Variants in DNAH9 observed in about 807,000 individuals in gnomAD.
The protein encoded by DNAH9 is dynein axonemal heavy chain 9, also known as DNAH9 variant protein.
Under a neutral mutation model 471.6 loss-of-function variants are expected in DNAH9, and 345 were observed. The ratio of observed to expected loss-of-function variants is 0.73; its 90% CI spans 0.67 to 0.80. DNAH9 has a LOEUF of 0.80. Among genes scored for constraint, DNAH9 ranks in the 30% least tolerant of loss-of-function variants. DNAH9 has a pLI of 0.00. For missense variants in DNAH9, 5,407 were observed against 5,609.2 expected (o/e 0.96, Z 1.15); for synonymous variants, 2,093 against 2,123.6 (o/e 0.99, Z 0.40).
rs182217210 is a variant in DNAH9, at chr17:11,918,941, G to A, written c.11750-4873G>A. On this transcript the variant is annotated intron_variant, in intron 61 of 68. Coordinates refer to ENST00000262442, the MANE Select transcript of DNAH9 (RefSeq NM_001372.4). ...AAGGAGGTTGCAGTGAGCTGAGATC[G>A]TGCCACTGCACTCCAGCCTGGGTGA... Among the ~76,000 whole-genome samples the A allele has an allele frequency of 4.9e-4, 75 of 152,184 alleles. 1 individual carries two copies. In the East Asian group the frequency reaches 0.014, roughly 28 times the overall value.
intron 14 of DNAH9, among the ~76,000 whole-genome samples, chr17:11,658,715 C>T (rs4792161): frequency 0.57 from 86,404 of 151,850 alleles, 25,473 homozygotes; most frequent in Admixed American, 0.69. Flanking sequence ...GATTAAACAT[C>T]GAATTTTATC....
At position 11,690,407 on chromosome 17, in the gene DNAH9, T is replaced by C. The variant is rs1209119198; in HGVS notation, c.4585T>C (p.Ser1529Pro). 1 of 1,613,902 alleles carries C rather than the reference T, an allele frequency of 6.2e-7. No individual in the cohort carries two copies. The highest frequency in any genetic ancestry group is 2.2e-5 in the East Asian group (1 of 44,878). Residue 1529 changes from serine to proline, a missense_variant, in exon 20 of 69, where the codon TCT (serine) becomes CCT (proline). By Grantham distance (74) the Ser-to-Pro change is moderately conservative. Around this residue, in one of 3 missense-constraint regions of DNAH9, gnomAD observed 4,636 missense variants for 4,900.3 expected, o/e 0.95. Transcript: ENST00000262442. ...TCACCTGGAAAGCATATTCACTGGA[T>C]CTGAAGATATTCGGGCACAGCTACC... Reference protein sequence around the residue: ...WTHLESIFTGSEDIRAQLPQD... With the variant: ...WTHLESIFTGPEDIRAQLPQD...
At chr17:11,653,049 G>C in intron 14 of DNAH9, 47 bp downstream of exon 14, 1 of 1,593,242 alleles carries the variant, frequency 6.3e-7, no homozygotes, top group Non-Finnish European at 8.5e-7. Context: ...TTTAGGGAAA[G>C]CATCAAAAAG....
In DNAH9 at chr17:11,651,316, A is replaced by T; in HGVS notation, c.2345A>T (p.Lys782Ile). The change falls in exon 13 of 69, where the codon AAA (lysine) becomes ATA (isoleucine). Residue 782 changes from lysine to isoleucine, a missense_variant. Transcript: ENST00000262442. Reference protein sequence around the residue: ...LRAAEETLNWKTEGICDYVTE... With the variant: ...LRAAEETLNWITEGICDYVTE... ...GCAGCAGAGGAGACTTTGAACTGGA[A>T]AACAGAAGGTAACAGGGCACCATCT... 1 of 1,612,666 alleles carries T rather than the reference A, an allele frequency of 6.2e-7. No individual in the cohort carries two copies. The highest frequency in any genetic ancestry group is 1.3e-5 in the African/African-American group (1 of 74,946).
intron 49 of DNAH9, among the ~76,000 whole-genome samples, chr17:11,853,702 C>T (rs1264217852): frequency 1.3e-5 from 2 of 152,130 alleles, no homozygotes; most frequent in African/African-American, 2.4e-5. Flanking sequence ...CAGAGTATGT[C>T]GGCATCCTTG....
At chr17:11,644,771 T>C in intron 11 of DNAH9, 72 bp downstream of exon 11, 1 of 1,048,194 alleles carries the variant, frequency 9.5e-7, no homozygotes, top group Non-Finnish European at 1.5e-6. Context: ...AGCTCCGAGT[T>C]TGTGCAGATT....
chr17:11,792,867 G>T (rs1969110920), intron 41 of DNAH9, among the ~76,000 whole-genome samples: 1 of 152,140 alleles, frequency 6.6e-6, no homozygotes, highest in South Asian at 2.1e-4. Context: ...CTATGAAATG[G>T]GGCGTGTTTT....
intron 6 of DNAH9, among the ~76,000 whole-genome samples, chr17:11,624,236 C>T: frequency 6.6e-6 from 1 of 152,236 alleles, no homozygotes; most frequent in East Asian, 1.9e-4. Flanking sequence ...GGGCCGGGTG[C>T]AGTGGCTTAC....
At chr17:11,749,909 G>A (rs1360520389) in intron 32 of DNAH9, among the ~76,000 whole-genome samples, 1 of 151,978 alleles carries the variant, frequency 6.6e-6, no homozygotes, top group Non-Finnish European at 1.5e-5. Context: ...ATCCAATGAG[G>A]TAAGTCCCTC....
chr17:11,916,612 A>T (rs1490910619), intron 61 of DNAH9, among the ~76,000 whole-genome samples: 1 of 152,134 alleles, frequency 6.6e-6, no homozygotes, highest in Non-Finnish European at 1.5e-5. Context: ...TATTAAGTAA[A>T]CTTACTGTTT....
At chr17:11,918,960 T>C (rs1306519024) in intron 61 of DNAH9, among the ~76,000 whole-genome samples, 1 of 152,036 alleles carries the variant, frequency 6.6e-6, no homozygotes, top group African/African-American at 2.4e-5. Flanking sequence ...CACTCCAGCC[T>C]GGGTGACAAG....
chr17:11,604,427 A>G (rs553604497), intron 1 of DNAH9, among the ~76,000 whole-genome samples: 1 of 152,228 alleles, frequency 6.6e-6, no homozygotes, highest in Admixed American at 6.5e-5. Context: ...TCAATTTCAA[A>G]GTTCCACAAG....
chr17:11,898,274 G>A (rs1019652982), intron 59 of DNAH9, among the ~76,000 whole-genome samples: 5 of 152,096 alleles, frequency 3.3e-5, no homozygotes, highest in Admixed American at 6.5e-5. Flanking sequence ...ACCGGCGTGC[G>A]CCACCACACC....
chr17:11,627,263 A>T (rs1050758194), intron 6 of DNAH9, among the ~76,000 whole-genome samples: 81 of 152,230 alleles, frequency 5.3e-4, no homozygotes, highest in Non-Finnish European at 1.5e-4. Flanking sequence ...ATATTTCGCT[A>T]ATATCTAGGA....
At position 11,962,284 on chromosome 17, in the gene DNAH9, GC is replaced by G; in HGVS notation, c.13233+29del. 1.9e-6 allele frequency: 3 copies of G among 1,549,788 alleles called. No homozygotes were observed. The highest frequency in any genetic ancestry group is 2.6e-6 in the Non-Finnish European group (3 of 1,151,528). On this transcript the variant is annotated intron_variant, in intron 68 of 68. Transcript: ENST00000262442. This position sits in a 1 kb window ranked among gnomAD's most constrained non-coding sequence, Gnocchi z 4.1. ...AAAGCTTGGAATGAACCAAAGGGCA[GC>G]TTTCTGGGGGCTGATTAAATACACA...
At chr17:11,884,390 C>G (rs1972817116) in intron 56 of DNAH9, 1 of 336,278 alleles carries the variant, frequency 3.0e-6, no homozygotes, top group Non-Finnish European at 6.1e-6. Context: ...CAGCATACCA[C>G]CAAACCTCCA....
chr17:11,927,737 G>C (rs538688103), intron 62 of DNAH9, among the ~76,000 whole-genome samples: 2 of 152,128 alleles, frequency 1.3e-5, no homozygotes, highest in Non-Finnish European at 2.9e-5. Context: ...CAGTCTTCCC[G>C]CTCTTCCTTC....
intron 3 of DNAH9, among the ~76,000 whole-genome samples, chr17:11,610,970 T>TTC (rs1364690907): frequency 6.6e-6 from 1 of 152,132 alleles, no homozygotes; most frequent in Non-Finnish European, 1.5e-5. Context: ...AGAACAGCCT[T>TTC]TCCTGTGTTC....
intron 38 of DNAH9, among the ~76,000 whole-genome samples, chr17:11,769,841 G>C (rs534071179): frequency 5.3e-5 from 8 of 152,356 alleles, no homozygotes; most frequent in Admixed American, 1.3e-4. Flanking sequence ...TTTACACACA[G>C]AGCTCCCAAA....
Sources: allele counts gnomAD v4.1 joint callset (sites outside exome capture counted in the v4.1 genomes callset), GRCh38; gene constraint gnomAD v4.1.1; regional missense constraint gnomAD v4.1.1; non-coding constraint Gnocchi (gnomAD v3.1); transcripts MANE v1.5; gene names NCBI Gene and HGNC (gene_info 2026-07-23, HGNC 2026-07-21).